CYGB: variants seen among roughly 807,000 people sequenced by gnomAD.
CYGB encodes the protein cytoglobin, also known as histoglobin.
CYGB carries 13 observed loss-of-function variants against 20.7 expected under a neutral mutation model. The observed-to-expected ratio is 0.63, with a 90% CI of 0.41 to 1.00. The LOEUF (loss-of-function observed/expected upper bound fraction) is 1.00. Among genes scored for constraint, CYGB ranks in the 50% least tolerant of loss-of-function variants. CYGB has a pLI of 0.00. For synonymous variants in CYGB, 93 were observed against 107.4 expected, an observed-to-expected ratio of 0.87 and a Z score of 0.83; for missense variants, 218 against 257.2, an observed-to-expected ratio of 0.85 and a Z score of 1.04.
At chr17:76,541,921 T>C (rs1204937155), upstream of CYGB, among the ~76,000 whole-genome samples, 2 of 152,216 alleles carry the variant, frequency 1.3e-5, no homozygotes, top group Non-Finnish European at 2.9e-5. Flanking sequence ...TGCAGAGTGA[T>C]TGCTCCATAA....
At chr17:76,549,725 A>C (rs973385250) in intron 1 of CYGB, among the ~76,000 whole-genome samples, 2 of 152,250 alleles carry the variant, frequency 1.3e-5, no homozygotes, top group East Asian at 1.9e-4. Flanking sequence ...TAAAGATAGA[A>C]TAATACTCAG....
upstream of CYGB, among the ~76,000 whole-genome samples, chr17:76,539,335 G>T (rs568660578): frequency 6.6e-6 from 1 of 152,348 alleles, no homozygotes; most frequent in South Asian, 2.1e-4. Context: ...CTTTGCAAAT[G>T]TAATATAGTC....
chr17:76,537,274 C>T, intron 1 of CYGB, 126 bp downstream of exon 1: 1 of 1,158,194 alleles, frequency 8.6e-7, no homozygotes, highest in South Asian at 1.9e-5. Context: ...CTCCGCCGAC[C>T]TCGGACCGGC....
upstream of CYGB, chr17:76,540,258 G>GT (rs765737108): frequency 9.1e-7 from 1 of 1,100,856 alleles, no homozygotes; most frequent in Non-Finnish European, 1.4e-6. This position sits in a 1 kb window ranked among gnomAD's most constrained non-coding sequence, Gnocchi z 5.0. Context: ...GGTCGGGGGG[G>GT]GGGGGCATGG....
Position 76,546,546 on chromosome 17 carries a change from A to C in CYGB, c.-53+4316T>G, listed in dbSNP as rs12944601. ...AGATGGGTAGGGCACAGTGCCCACT[A>C]TGAGACAGGCACAATGGCGAGAGAG... On this transcript the variant is annotated intron_variant, in intron 1 of 3. Coordinates refer to the CYGB transcript ENST00000589145. The surrounding 1 kb of genome is among the most constrained non-coding windows in gnomAD (Gnocchi z 4.5). 0.34 allele frequency: 50,941 copies of C among 151,808 alleles called. 10,605 individuals carry two copies. The highest frequency in any genetic ancestry group is 0.59 in the African/African-American group (24,333 of 41,252). The allele number at this position is 151,808 out of a possible 1,614,324, so 9.4% of individuals were successfully genotyped here.
upstream of CYGB, chr17:76,542,448 A>C: frequency 7.4e-7 from 1 of 1,342,544 alleles, no homozygotes; most frequent in African/African-American, 1.4e-5. Context: ...CTGCCCCTCA[A>C]TATTGGGGTG....
intron 1 of CYGB, chr17:76,545,964 G>GC (rs1462702066): frequency 2.5e-5 from 4 of 157,764 alleles, no homozygotes; most frequent in African/African-American, 7.2e-5. Flanking sequence ...GGGTGGGGAA[G>GC]CCCCCTGTAA....
chr17:76,532,530 CT>C (rs111936272), intron 1 of CYGB, among the ~76,000 whole-genome samples: 1,797 of 125,686 alleles, frequency 0.014, 6 homozygotes, highest in Middle Eastern at 0.07. Context: ...ATGACAATGG[CT>C]TTTTTTTTTT....
chr17:76,536,623 G>A (rs755469368), intron 1 of CYGB, among the ~76,000 whole-genome samples: 2 of 152,150 alleles, frequency 1.3e-5, no homozygotes, highest in Non-Finnish European at 2.9e-5. Flanking sequence ...GAAGAACGGG[G>A]CGCTCTGTGT....
At chr17:76,541,065 C>T (rs892502391), upstream of CYGB, among the ~76,000 whole-genome samples, 4 of 152,222 alleles carry the variant, frequency 2.6e-5, no homozygotes, top group Non-Finnish European at 4.4e-5. Context: ...GCAGACCCTG[C>T]GGGCAGGACG....
In CYGB at chr17:76,528,519, C is replaced by A; in HGVS notation, c.*59G>T. ...CCAGAAATGGAGCGTCAAGGAGGGTCTTCAGAACTCGGCCTTCTGCTCGAG... is the reference window on the plus strand; with the variant it reads ...CCAGAAATGGAGCGTCAAGGAGGGTATTCAGAACTCGGCCTTCTGCTCGAG... On this transcript the variant is annotated 3_prime_UTR_variant, in exon 4 of 4. Coordinates refer to ENST00000293230, the MANE Select transcript of CYGB (RefSeq NM_134268.5). The surrounding 1 kb of genome is among the most constrained non-coding windows in gnomAD (Gnocchi z 5.8). The A allele has an allele frequency of 7.2e-6, 9 of 1,258,342 alleles. No individual in the cohort carries two copies. Among genetic ancestry groups the A allele is most frequent in the Non-Finnish European group, 9.2e-6 (9 of 982,356 alleles). 77.9% of individuals were successfully genotyped at this position (1,258,342 alleles called of 1,614,324 possible).
chr17:76,530,961 C>T lies in CYGB; in HGVS notation c.539+18G>A, dbSNP rs773058254. On this transcript the variant is annotated intron_variant, in intron 3 of 3. Transcript: ENST00000293230. This position sits in a 1 kb window ranked among gnomAD's most constrained non-coding sequence, Gnocchi z 6.1. ...ATGGCGGGGAGGCTGCCCAGCCCACCCTCGCCCGCCTCCTCACGTGGTGGC... is the reference window on the plus strand; with the variant it reads ...ATGGCGGGGAGGCTGCCCAGCCCACTCTCGCCCGCCTCCTCACGTGGTGGC... The T allele has an allele frequency of 5.8e-6, 9 of 1,559,926 alleles. No homozygotes were observed. The highest frequency in any genetic ancestry group is 7.8e-6 in the Non-Finnish European group (9 of 1,150,366).
In CYGB at chr17:76,529,655, G is replaced by A. The variant is rs191124398; in HGVS notation, c.540-1044C>T. 452 of 985,372 alleles carry A rather than the reference G, an allele frequency of 4.6e-4. 1 individual carries two copies. In the African/African-American group the frequency reaches 7.4e-3, roughly 16 times the overall value. 61.0% of individuals were successfully genotyped at this position (985,372 alleles called of 1,614,324 possible). On this transcript the variant is annotated intron_variant, in intron 3 of 3. Coordinates refer to ENST00000293230, the MANE Select transcript of CYGB (RefSeq NM_134268.5). ...CCTGCGTGGGGAGAGGGGTGGGAGG[G>A]CAGGCAAGCCCCCTCCCCTCCTCTT...
At chr17:76,547,766 C>T (rs1229205746) in intron 1 of CYGB, among the ~76,000 whole-genome samples, 1 of 149,920 alleles carries the variant, frequency 6.7e-6, no homozygotes, top group Non-Finnish European at 1.5e-5. Context: ...TATACCTATA[C>T]AAACATATAA....
rs1195894726 is a variant in CYGB, at chr17:76,527,710, G to A, written c.*868C>T. 2.2e-6 allele frequency: 1 copy of A among 454,030 alleles called. No individual in the cohort carries two copies. Among genetic ancestry groups the A allele is most frequent in the South Asian group, 1.6e-5 (1 of 64,478 alleles). 28.1% of individuals were successfully genotyped at this position (454,030 alleles called of 1,614,324 possible). A position where few individuals can be genotyped will look rare whatever the true frequency, so the allele number is the denominator to read the frequency against. On this transcript the variant is annotated 3_prime_UTR_variant, in exon 4 of 4. Transcript: ENST00000293230. ...TGCTGCCCAGCAGCCCGGATCCCCC[G>A]GGGCTGCCCTGGTGGCCAAGGCAGG...
At chr17:76,543,224 A>G (rs909504821) in intron 1 of CYGB, 1 of 387,196 alleles carries the variant, frequency 2.6e-6, no homozygotes, top group African/African-American at 2.1e-5. Context: ...CAGAAAGAGC[A>G]GACGTGCTCG....
chr17:76,544,858 C>T (rs946851045), intron 1 of CYGB: 7 of 456,698 alleles, frequency 1.5e-5, no homozygotes, highest in Non-Finnish European at 2.6e-5. Context: ...GGAGCTGGCT[C>T]ACGGCCCAGA....
At chr17:76,538,843 G>A (rs1410890148), upstream of CYGB, among the ~76,000 whole-genome samples, 4 of 152,246 alleles carry the variant, frequency 2.6e-5, no homozygotes, top group Admixed American at 6.5e-5. Flanking sequence ...TCAGGCTCCC[G>A]GCGACCCCTG....
At position 76,537,651 on chromosome 17, in the gene CYGB, G is replaced by C; in HGVS notation, c.-109C>G. The C allele has an allele frequency of 1.1e-6, 1 of 946,968 alleles. No individual in the cohort carries two copies. The highest frequency in any genetic ancestry group is 1.3e-6 in the Non-Finnish European group (1 of 796,562). The allele number at this position is 946,968 out of a possible 1,614,324, so 58.7% of individuals were successfully genotyped here. A position where few individuals can be genotyped will look rare whatever the true frequency, so the allele number is the denominator to read the frequency against. On this transcript the variant is annotated 5_prime_UTR_variant, in exon 1 of 4. Coordinates refer to ENST00000293230, the MANE Select transcript of CYGB (RefSeq NM_134268.5). ...GGGCCGGCTGCGTGCGCGGCGGGCG[G>C]GCGAGGGGTAGAGCGCGGAGGGAGG...
Sources: allele counts gnomAD v4.1 joint callset (sites outside exome capture counted in the v4.1 genomes callset), GRCh38; gene constraint gnomAD v4.1.1; non-coding constraint Gnocchi (gnomAD v3.1); transcripts MANE v1.5; gene names NCBI Gene and HGNC (gene_info 2026-07-23, HGNC 2026-07-21).